PALLD: variants seen among roughly 807,000 people sequenced by gnomAD.
PALLD encodes the protein palladin.
In PALLD, 61 loss-of-function variants were observed where a neutral mutation model predicts 123.5. The ratio of observed to expected loss-of-function variants is 0.49; its 90% CI spans 0.40 to 0.61. The LOEUF is 0.61. PALLD is among the 20% of genes least tolerant of loss of function. PALLD has a pLI of 0.00. For missense variants in PALLD, 1,273 were observed against 1,377.0 expected (o/e 0.92, Z 1.20); for synonymous variants, 465 against 496.4 (o/e 0.94, Z 0.84).
chr4:168,646,503 C>T (rs1257182498), intron 2 of PALLD, among the ~76,000 whole-genome samples: 1 of 152,150 alleles, frequency 6.6e-6, no homozygotes, highest in African/African-American at 2.4e-5. Flanking sequence ...TTACCACCCA[C>T]CCCTGTGACA....
intron 7 of PALLD, 129 bp from the exon 8 acceptor site, chr4:168,691,140 T>A: frequency 1.4e-6 from 1 of 713,550 alleles, no homozygotes; most frequent in Non-Finnish European, 2.5e-6. Context: ...TATGATGGAG[T>A]TTGACTGTAA....
In PALLD at chr4:168,681,320, A is replaced by G. The variant is rs758220843; in HGVS notation, c.1088-12A>G. 4 of 1,544,280 alleles carry G rather than the reference A, an allele frequency of 2.6e-6. No individual in the cohort carries two copies. The highest frequency in any genetic ancestry group is 2.7e-6 in the Non-Finnish European group (3 of 1,116,916). ...TATCTTAACTTTACCATTATCTTTAATACTTTCCCAGGTGCCAGTTCAACA... is the reference window on the plus strand; with the variant it reads ...TATCTTAACTTTACCATTATCTTTAGTACTTTCCCAGGTGCCAGTTCAACA... On this transcript the variant is annotated splice_polypyrimidine_tract_variant and intron_variant, in intron 3 of 21. Coordinates refer to ENST00000505667, the MANE Select transcript of PALLD (RefSeq NM_001166108.2).
intron 10 of PALLD, among the ~76,000 whole-genome samples, chr4:168,812,132 T>C (rs1418811886): frequency 1.3e-5 from 2 of 152,178 alleles, no homozygotes; most frequent in Non-Finnish European, 2.9e-5. Flanking sequence ...AACATATTAA[T>C]AAATGGCTTT....
At chr4:168,528,290 T>C (rs1764266359) in intron 2 of PALLD, among the ~76,000 whole-genome samples, 1 of 152,234 alleles carries the variant, frequency 6.6e-6, no homozygotes, top group Non-Finnish European at 1.5e-5. Context: ...CAAAATTACT[T>C]TTCCAGCTCT....
intron 10 of PALLD, among the ~76,000 whole-genome samples, chr4:168,853,688 A>G (rs1041901518): frequency 1.3e-5 from 2 of 152,132 alleles, no homozygotes; most frequent in African/African-American, 4.8e-5. Context: ...GGAGAAAAGA[A>G]GAGGCTACAG....
chr4:168,634,006 G>A (rs1776094712), intron 2 of PALLD, among the ~76,000 whole-genome samples: 1 of 152,152 alleles, frequency 6.6e-6, no homozygotes, highest in African/African-American at 2.4e-5. Flanking sequence ...AGACAAGACT[G>A]GGTCCTGTGA....
intron 2 of PALLD, among the ~76,000 whole-genome samples, chr4:168,651,483 A>G (rs1778034259): frequency 6.6e-6 from 1 of 152,186 alleles, no homozygotes; most frequent in Non-Finnish European, 1.5e-5. Flanking sequence ...CTTACACCCT[A>G]GAAGTGTGAA....
intron 10 of PALLD, among the ~76,000 whole-genome samples, chr4:168,884,401 A>T (rs2151157954): frequency 6.6e-6 from 1 of 152,226 alleles, no homozygotes; most frequent in East Asian, 1.9e-4. Flanking sequence ...TGGTCACAGG[A>T]CCTCTGCACT....
At chr4:168,899,132 A>G (rs1334722340) in intron 14 of PALLD, among the ~76,000 whole-genome samples, 2 of 152,168 alleles carry the variant, frequency 1.3e-5, no homozygotes, top group African/African-American at 2.4e-5. Flanking sequence ...AAAACTTCCA[A>G]TCTTTAATCA....
At chr4:168,693,247 A>G (rs904122738) in intron 8 of PALLD, among the ~76,000 whole-genome samples, 2 of 151,488 alleles carry the variant, frequency 1.3e-5, no homozygotes, top group African/African-American at 4.9e-5. Context: ...CACTTACCCT[A>G]CATACACTCC....
At chr4:168,857,488 C>T (rs1229570182) in intron 10 of PALLD, among the ~76,000 whole-genome samples, 1 of 152,224 alleles carries the variant, frequency 6.6e-6, no homozygotes, top group Middle Eastern at 3.4e-3. Flanking sequence ...TGATAAGCAG[C>T]CCTGTTTAAA....
At chr4:168,797,958 T>TCC (rs1399528337) in intron 10 of PALLD, among the ~76,000 whole-genome samples, 1 of 151,668 alleles carries the variant, frequency 6.6e-6, no homozygotes, top group African/African-American at 2.4e-5. Flanking sequence ...GCTATTTTTC[T>TCC]TGAGTTCAGT....
intron 10 of PALLD, among the ~76,000 whole-genome samples, chr4:168,743,002 C>G (rs1788509241): frequency 6.6e-6 from 1 of 152,112 alleles, no homozygotes; most frequent in Non-Finnish European, 1.5e-5. Flanking sequence ...CACCTCCTAC[C>G]ATCTTTTAGT....
intron 10 of PALLD, among the ~76,000 whole-genome samples, chr4:168,765,229 G>C (rs191418523): frequency 6.6e-6 from 1 of 152,196 alleles, no homozygotes; most frequent in Non-Finnish European, 1.5e-5. Context: ...TGAAAATAGA[G>C]AAGGTTTAGT....
At position 168,734,026 on chromosome 4, in the gene PALLD, A is replaced by G. The variant is rs192184847; in HGVS notation, c.1964+22103A>G. ...CTGGGATTACAGGCGTTGAGCCACC[A>G]CGCCCGGCCACAGAAATGTTTTAAG... On this transcript the variant is annotated intron_variant, in intron 10 of 21. Transcript: ENST00000505667. Among the ~76,000 whole-genome samples, 1,308 of 152,266 alleles carry G rather than the reference A, an allele frequency of 8.6e-3. 10 individuals carry two copies. The highest frequency in any genetic ancestry group is 0.021 in the African/African-American group (892 of 41,558).
chr4:168,917,466 G>A (rs1189222568), intron 17 of PALLD, among the ~76,000 whole-genome samples: 1 of 152,188 alleles, frequency 6.6e-6, no homozygotes, highest in East Asian at 1.9e-4. Flanking sequence ...TCTCAAAGGA[G>A]TTTAGGGAAA....
At chr4:168,787,848 G>A (rs746839781) in intron 10 of PALLD, among the ~76,000 whole-genome samples, 5 of 152,162 alleles carry the variant, frequency 3.3e-5, no homozygotes, top group African/African-American at 4.8e-5. Context: ...GCACCGGCTC[G>A]AGAGAGCAGG....
At chr4:168,677,004 G>T (rs991019019) in intron 3 of PALLD, among the ~76,000 whole-genome samples, 20 of 152,148 alleles carry the variant, frequency 1.3e-4, no homozygotes, top group South Asian at 6.2e-4. Context: ...ACTCTGCGTG[G>T]GAGGCAGAAT....
intron 10 of PALLD, among the ~76,000 whole-genome samples, chr4:168,788,704 T>C (rs541422460): frequency 6.6e-6 from 1 of 152,250 alleles, no homozygotes; most frequent in Admixed American, 6.5e-5. Context: ...TAATGGGGGA[T>C]GCTGGGCATG....
Sources: gnomAD v4.1 joint callset for allele counts (sites outside exome capture counted in the v4.1 genomes callset) on GRCh38, gnomAD v4.1.1 for gene constraint, MANE v1.5 for transcripts, NCBI Gene and HGNC (gene_info 2026-07-23, HGNC 2026-07-21) for gene names.